Variants in DUSP29 observed in about 807,000 individuals in gnomAD.
The protein encoded by DUSP29 is dual specificity phosphatase 29, also known as atypical dual-specific protein phosphatase.
DUSP29 carries 12 observed loss-of-function variants against 13.5 expected under a neutral mutation model. That is an observed-to-expected ratio of 0.89 (90% confidence interval 0.57 to 1.44). DUSP29 has a LOEUF of 1.44. Ranked by LOEUF, DUSP29 falls within the 40% of genes most tolerant of loss-of-function variation. The probability of loss-of-function intolerance (pLI) is 0.00; values close to 1 mark genes in which losing one functional copy is unlikely to be tolerated. For synonymous variants in DUSP29, 134 were observed against 128.7 expected (o/e 1.04, Z -0.28); for missense variants, 308 against 301.1 (o/e 1.02, Z -0.17).
intron 1 of DUSP29, among the ~76,000 whole-genome samples, chr10:75,062,643 A>G (rs560344965): frequency 6.6e-6 from 1 of 152,202 alleles, no homozygotes; most frequent in Non-Finnish European, 1.5e-5. Context: ...TAATCTTTCC[A>G]AATCCTGAAG....
At chr10:75,066,969 T>TC (rs1847217579) in intron 1 of DUSP29, among the ~76,000 whole-genome samples, 1 of 150,772 alleles carries the variant, frequency 6.6e-6, no homozygotes, top group African/African-American at 2.4e-5. Flanking sequence ...TTTTTTTTTT[T>TC]TTCTTTGAGA....
At chr10:75,072,642 C>T (rs987814176) in intron 1 of DUSP29, among the ~76,000 whole-genome samples, 31 of 152,186 alleles carry the variant, frequency 2.0e-4, no homozygotes, top group African/African-American at 6.5e-4. Flanking sequence ...GTGGGGGCAG[C>T]GGAAAAAACA....
intron 3 of DUSP29, 88 bp downstream of exon 3, chr10:75,043,708 CG>C (rs576625848): frequency 1.9e-6 from 2 of 1,079,956 alleles, no homozygotes; most frequent in South Asian, 1.5e-5. Flanking sequence ...CTTAGTGGGG[CG>C]GGGAAGGGGC....
chr10:75,070,901 G>A (rs1168035549), intron 1 of DUSP29, among the ~76,000 whole-genome samples: 1 of 152,226 alleles, frequency 6.6e-6, no homozygotes, highest in Non-Finnish European at 1.5e-5. Context: ...CAGAAGAGGA[G>A]ATTAAAACAC....
intron 1 of DUSP29, among the ~76,000 whole-genome samples, chr10:75,063,689 C>T (rs372457088): frequency 5.9e-5 from 9 of 152,128 alleles, no homozygotes; most frequent in African/African-American, 1.7e-4. Flanking sequence ...GCATGCCACA[C>T]CGTGCTCCCG....
In DUSP29 at chr10:75,038,058, G is replaced by A. The variant is rs758641310; in HGVS notation, c.441C>T (p.Cys147=). 8.1e-6 allele frequency: 13 copies of A among 1,613,378 alleles called. No homozygotes were observed. The highest frequency in any genetic ancestry group is 5.5e-5 in the South Asian group (5 of 91,060). The change falls in exon 4 of 4, where the codon TGC becomes TGT. Residue 147 remains cysteine, a synonymous_variant. Coordinates refer to ENST00000338487, the MANE Select transcript of DUSP29 (RefSeq NM_001003892.3). ...TGGCTGACCGGCTGCGGCCCATGAC[G>A]CAGTGAACCAGGATCTTACCTGCAG... The part of the protein sequence containing the change: ...SDDHSKILVH[C]VMGRSRSATL...
intron 1 of DUSP29, among the ~76,000 whole-genome samples, chr10:75,065,876 A>ATTTAT (rs1037930325): frequency 1.4e-5 from 2 of 146,452 alleles, no homozygotes; most frequent in African/African-American, 2.6e-5. Flanking sequence ...TATTATTATC[A>ATTTAT]TTTATTTTAT....
At chr10:75,049,047 G>A (rs1162128479) in intron 2 of DUSP29, among the ~76,000 whole-genome samples, 2 of 152,210 alleles carry the variant, frequency 1.3e-5, no homozygotes, top group African/African-American at 2.4e-5. Flanking sequence ...AGGGGAAAAG[G>A]CAGTGGAAAG....
intron 3 of DUSP29, 96 bp downstream of exon 3, chr10:75,043,701 A>G: frequency 9.7e-7 from 1 of 1,035,722 alleles, no homozygotes; most frequent in Non-Finnish European, 1.3e-6. Context: ...GCGGAGCCTT[A>G]GTGGGGCGGG....
rs559885003 is a variant in DUSP29, at chr10:75,073,407, G to A, written c.-35+162C>T. 3.9e-5 allele frequency among the ~76,000 whole-genome samples: 6 copies of A among 152,310 alleles called. No individual in the cohort carries two copies. In the South Asian group the frequency reaches 8.3e-4, roughly 21 times the overall value. On this transcript the variant is annotated intron_variant, in intron 1 of 3. Transcript: ENST00000338487. ...TGGAGAAAATTCCATGGTGTCTCTC[G>A]TAAAAGGACAGCAAGAAACCTTTCA...
At chr10:75,046,703 T>C (rs1384186594) in intron 2 of DUSP29, among the ~76,000 whole-genome samples, 1 of 152,228 alleles carries the variant, frequency 6.6e-6, no homozygotes, top group Non-Finnish European at 1.5e-5. Flanking sequence ...GTGGGACACA[T>C]TGTGCTTTCC....
At chr10:75,053,803 C>T (rs994360154) in intron 2 of DUSP29, among the ~76,000 whole-genome samples, 1 of 151,852 alleles carries the variant, frequency 6.6e-6, no homozygotes, top group East Asian at 1.9e-4. Context: ...TTTTTTCCCC[C>T]GCAGCTCCAA....
chr10:75,037,769 A>C lies in DUSP29; in HGVS notation c.*67T>G. ...TTCACCATCCCTTCTCTGGAGTCCT[A>C]GGCCAGGGCTATGTTCTGCCTCTCC... is the stretch of plus-strand genomic sequence containing the variant. On this transcript the variant is annotated 3_prime_UTR_variant, in exon 4 of 4. Transcript: ENST00000338487. 6.5e-7 allele frequency: 1 copy of C among 1,532,536 alleles called. No homozygotes were observed. Among genetic ancestry groups the C allele is most frequent in the South Asian group, 1.2e-5 (1 of 80,776 alleles). The allele number at this position is 1,532,536 out of a possible 1,614,324, so 94.9% of individuals were successfully genotyped here. A position where few individuals can be genotyped will look rare whatever the true frequency, so the allele number is the denominator to read the frequency against.
chr10:75,067,273 G>A (rs1847226168), intron 1 of DUSP29, among the ~76,000 whole-genome samples: 2 of 152,052 alleles, frequency 1.3e-5, no homozygotes, highest in African/African-American at 2.4e-5. Context: ...ATTTCTTTAA[G>A]TAAAAGAAAA....
chr10:75,037,587 G>T lies in DUSP29; in HGVS notation c.*249C>A, dbSNP rs1232564508. ...AAAGCAGGAGACTTGGTGCAGCGTGGCATGCTCCTCTGTGACCCAGAGCCG... is the reference window on the plus strand; with the variant it reads ...AAAGCAGGAGACTTGGTGCAGCGTGTCATGCTCCTCTGTGACCCAGAGCCG... On this transcript the variant is annotated 3_prime_UTR_variant, in exon 4 of 4. Transcript: ENST00000338487. 1.3e-5 allele frequency among the ~76,000 whole-genome samples: 2 copies of T among 152,010 alleles called. No individual in the cohort carries two copies. Among genetic ancestry groups the T allele is most frequent in the African/African-American group, 4.8e-5 (2 of 41,396 alleles).
At chr10:75,054,006 A>G (rs1203788047) in intron 2 of DUSP29, among the ~76,000 whole-genome samples, 1 of 151,928 alleles carries the variant, frequency 6.6e-6, no homozygotes. Context: ...CAACTTAACT[A>G]TTATTATTAT....
At chr10:75,045,004 C>G (rs1788900987) in intron 2 of DUSP29, among the ~76,000 whole-genome samples, 1 of 152,196 alleles carries the variant, frequency 6.6e-6, no homozygotes, top group Non-Finnish European at 1.5e-5. Context: ...TTATCCATCC[C>G]CAAATAATTA....
At chr10:75,040,712 T>C (rs898743287) in intron 3 of DUSP29, among the ~76,000 whole-genome samples, 3 of 152,212 alleles carry the variant, frequency 2.0e-5, no homozygotes, top group Non-Finnish European at 4.4e-5. Flanking sequence ...CTGATGGCGC[T>C]GCCTCTGATT....
At chr10:75,044,531 G>A (rs1178149614) in intron 2 of DUSP29, among the ~76,000 whole-genome samples, 2 of 152,220 alleles carry the variant, frequency 1.3e-5, no homozygotes, top group South Asian at 2.1e-4. Flanking sequence ...ACGTTGGCAC[G>A]ATGTGAACGG....
Sources: allele counts gnomAD v4.1 joint callset (sites outside exome capture counted in the v4.1 genomes callset), GRCh38; gene constraint gnomAD v4.1.1; transcripts MANE v1.5; gene names NCBI Gene and HGNC (gene_info 2026-07-23, HGNC 2026-07-21).